Variants in SCNN1B observed in about 807,000 individuals in gnomAD.
The protein encoded by SCNN1B is epithelial sodium channel subunit beta.
A neutral mutation model predicts 65.3 loss-of-function variants in SCNN1B; 46 were observed. The ratio of observed to expected loss-of-function variants is 0.70; its 90% CI spans 0.56 to 0.90. The LOEUF is 0.90. Among genes scored for constraint, SCNN1B ranks in the 40% least tolerant of loss-of-function variants. The probability of loss-of-function intolerance (pLI) is 0.00; values close to 1 mark genes in which losing one functional copy is unlikely to be tolerated. For synonymous variants in SCNN1B, 349 were observed against 330.6 expected, an observed-to-expected ratio of 1.06 and a Z score of -0.60; for missense variants, 751 against 830.5, an observed-to-expected ratio of 0.90 and a Z score of 1.18.
In SCNN1B at chr16:23,367,886, T is replaced by C. The variant is rs752360110; in HGVS notation, c.807T>C (p.Tyr269=). The part of the protein sequence containing the change: ...RNFTSIFYPH[Y]GNCYIFNWGM... ...TCACGTCCATCTTCTACCCTCACTA[T>C]GGCAACTGTTACATCTTCAACTGGG... Residue 269 remains tyrosine (Y), a synonymous_variant, in exon 5 of 13, where the codon TAT becomes TAC. Coordinates refer to ENST00000343070, the MANE Select transcript of SCNN1B (RefSeq NM_000336.3). 1 of 1,614,246 alleles carries C rather than the reference T, an allele frequency of 6.2e-7. No individual in the cohort carries two copies. Among genetic ancestry groups the C allele is most frequent in the Non-Finnish European group, 8.5e-7 (1 of 1,180,024 alleles).
intron 1 of SCNN1B, among the ~76,000 whole-genome samples, chr16:23,322,287 A>G (rs1268783905): frequency 6.6e-6 from 1 of 152,006 alleles, no homozygotes; most frequent in East Asian, 1.9e-4. Flanking sequence ...GAATGGCATA[A>G]GCAATTTAAA....
upstream of SCNN1B, among the ~76,000 whole-genome samples, chr16:23,301,359 C>CA (rs369302758): frequency 5.3e-4 from 64 of 120,380 alleles, no homozygotes; most frequent in East Asian, 2.3e-3. Context: ...GAGACTCTGT[C>CA]AAAAAAAAAA....
intron 4 of SCNN1B, among the ~76,000 whole-genome samples, chr16:23,367,643 C>T (rs935042188): frequency 6.6e-6 from 1 of 152,228 alleles, no homozygotes; most frequent in African/African-American, 2.4e-5. Flanking sequence ...AGAGCCTGAG[C>T]CCCAACTCCA....
At chr16:23,331,827 G>C (rs752427494) in intron 1 of SCNN1B, among the ~76,000 whole-genome samples, 12 of 152,104 alleles carry the variant, frequency 7.9e-5, no homozygotes, top group Admixed American at 1.3e-4. Context: ...GTCTCAACAG[G>C]GGCCTCTTTG....
At chr16:23,378,583 T>C (rs1292766108) in intron 10 of SCNN1B, 123 bp from the exon 11 acceptor site, 1 of 843,128 alleles carries the variant, frequency 1.2e-6, no homozygotes, top group African/African-American at 1.7e-5. Context: ...TCATCCAAAT[T>C]GTGATTCCCC....
chr16:23,316,898 A>G (rs551590033), intron 1 of SCNN1B, among the ~76,000 whole-genome samples: 33 of 152,128 alleles, frequency 2.2e-4, no homozygotes, highest in Non-Finnish European at 4.1e-4. Flanking sequence ...CATCACCCTC[A>G]CCATCACCTC....
intron 1 of SCNN1B, among the ~76,000 whole-genome samples, chr16:23,314,765 A>G (rs1226507527): frequency 6.6e-6 from 1 of 152,218 alleles, no homozygotes; most frequent in Non-Finnish European, 1.5e-5. Context: ...CAAAGAGGGT[A>G]CTCAGCCCCT....
intron 4 of SCNN1B, among the ~76,000 whole-genome samples, chr16:23,360,209 T>TAAATAAAA (rs1555488449): frequency 2.7e-5 from 4 of 149,800 alleles, no homozygotes; most frequent in Non-Finnish European, 5.9e-5. Context: ...AAAAAATAAA[T>TAAATAAAA]AAATAAATAA....
At chr16:23,370,965 G>A (rs907894417) in intron 5 of SCNN1B, among the ~76,000 whole-genome samples, 1 of 152,246 alleles carries the variant, frequency 6.6e-6, no homozygotes, top group African/African-American at 2.4e-5. Flanking sequence ...GGCATTGAAC[G>A]GGGACAGCGA....
chr16:23,290,668 C>T (rs1173075602), intron 2 of SCNN1B, among the ~76,000 whole-genome samples: 1 of 152,046 alleles, frequency 6.6e-6, no homozygotes, highest in Non-Finnish European at 1.5e-5. Flanking sequence ...ATTTCTAAAC[C>T]CCTACGTGTA....
chr16:23,326,040 A>T (rs1487298806), intron 1 of SCNN1B, among the ~76,000 whole-genome samples: 5 of 152,092 alleles, frequency 3.3e-5, no homozygotes, highest in Non-Finnish European at 7.4e-5. Flanking sequence ...GCACCACTGC[A>T]CTCCAGCCTG....
chr16:23,345,713 C>T (rs1962171888), intron 1 of SCNN1B, among the ~76,000 whole-genome samples: 1 of 152,168 alleles, frequency 6.6e-6, no homozygotes, highest in Admixed American at 6.5e-5. Context: ...GCAACTCACA[C>T]CAACTGAGAT....
At chr16:23,370,264 C>A (rs1413090531) in intron 5 of SCNN1B, among the ~76,000 whole-genome samples, 6 of 152,146 alleles carry the variant, frequency 3.9e-5, no homozygotes, top group Admixed American at 1.3e-4. Context: ...CGCCACCATG[C>A]CTGGCTAATT....
chr16:23,292,196 ATTT>A (rs59582200), intron 2 of SCNN1B, among the ~76,000 whole-genome samples: 1 of 133,284 alleles, frequency 7.5e-6, no homozygotes. Context: ...TTCTTTCTTT[ATTT>A]TTTTTTTTTT....
At chr16:23,340,321 T>A (rs1962029489) in intron 1 of SCNN1B, among the ~76,000 whole-genome samples, 1 of 152,236 alleles carries the variant, frequency 6.6e-6, no homozygotes, top group South Asian at 2.1e-4. Context: ...ATAAGTTTCT[T>A]ATGATTCATG....
At position 23,352,881 on chromosome 16, in the gene SCNN1B, TAAGCCATGCC is replaced by T; in HGVS notation, c.395_404del (p.Ser132MetfsTer6). On this transcript the variant is annotated frameshift_variant, in exon 3 of 13. Transcript: ENST00000343070. LOFTEE classifies it high-confidence loss of function. ...CTGGAGAGAATCCTGGCTCCTGAGC[TAAGCCATGCC>T]AATGCCACCAGGAACCTGAACTTCT... 1 of 1,614,174 alleles carries T rather than the reference TAAGCCATGCC, an allele frequency of 6.2e-7. No homozygotes were observed. Among genetic ancestry groups the T allele is most frequent in the Non-Finnish European group, 8.5e-7 (1 of 1,180,038 alleles).
chr16:23,331,218 G>T (rs960873967), intron 1 of SCNN1B, among the ~76,000 whole-genome samples: 8 of 152,056 alleles, frequency 5.3e-5, no homozygotes, highest in African/African-American at 1.4e-4. Flanking sequence ...CTTTCTCAGC[G>T]CTCCTGGGTG....
rs1418217615 is a variant in SCNN1B at position 23,380,697 on chromosome 16, G to A, written c.1819G>A (p.Glu607Lys). The A allele has an allele frequency of 9.3e-6, 15 of 1,612,346 alleles. No homozygotes were observed. Among genetic ancestry groups the A allele is most frequent in the African/African-American group, 2.7e-5 (2 of 74,898 alleles). Reference sequence around the variant, plus strand: ...CCCCAACACTGGGCCCTACCCCAGTGAGCAGGCCCTGCCCATCCCAGGCAC... The same window carrying A: ...CCCCAACACTGGGCCCTACCCCAGTAAGCAGGCCCTGCCCATCCCAGGCAC... ...RSPNTGPYPSEQALPIPGTPP... is the reference protein window; with the variant it reads ...RSPNTGPYPSKQALPIPGTPP... Residue 607 changes from glutamate (E) to lysine (K), a missense_variant, in exon 13 of 13, where the codon GAG (glutamate) becomes AAG (lysine). Coordinates refer to ENST00000343070, the MANE Select transcript of SCNN1B (RefSeq NM_000336.3). The surrounding 1 kb of genome is among the most constrained non-coding windows in gnomAD (Gnocchi z 5.4).
In SCNN1B at chr16:23,333,517, A is replaced by T. The variant is rs1961872819; in HGVS notation, c.-8-15075A>T. 2.0e-5 allele frequency among the ~76,000 whole-genome samples: 3 copies of T among 152,232 alleles called. No individual in the cohort carries two copies. In the South Asian group the frequency reaches 6.2e-4, roughly 32 times the overall value. ...ATTCTACACCTTCCATAAAATGTTA[A>T]TACCAAGAATAATAATTTTTAAAAA... On this transcript the variant is annotated intron_variant, in intron 1 of 12. Transcript: ENST00000343070.
Sources: gnomAD v4.1 joint callset for allele counts (sites outside exome capture counted in the v4.1 genomes callset) on GRCh38, gnomAD v4.1.1 for gene constraint, Gnocchi (gnomAD v3.1) non-coding constraint, MANE v1.5 for transcripts, NCBI Gene and HGNC (gene_info 2026-07-23, HGNC 2026-07-21) for gene names.